The following MAP2K5 variants were observed in gnomAD, a reference collection of about 807,000 sequenced individuals.
MAP2K5 encodes mitogen-activated protein kinase kinase 5, also known as dual specificity mitogen-activated protein kinase kinase 5.
In MAP2K5, 49 loss-of-function variants were observed where a neutral mutation model predicts 83.1. That is an observed-to-expected ratio of 0.59 (90% CI 0.47 to 0.75). The LOEUF is 0.75. MAP2K5 is among the 30% of genes least tolerant of loss of function. The pLI, the probability that MAP2K5 is intolerant of heterozygous loss-of-function variation, is 0.00. For missense variants in MAP2K5, 457 were observed against 557.5 expected (o/e 0.82, Z 1.82); for synonymous variants, 202 against 191.8 (o/e 1.05, Z -0.44).
At chr15:67,695,428 T>C (rs1333355449) in intron 15 of MAP2K5, among the ~76,000 whole-genome samples, 1 of 152,220 alleles carries the variant, frequency 6.6e-6, no homozygotes, top group Non-Finnish European at 1.5e-5. Context: ...TACTTTCTTG[T>C]ATAATAATAG....
intron 7 of MAP2K5, among the ~76,000 whole-genome samples, chr15:67,597,085 C>A (rs936865478): frequency 6.0e-5 from 9 of 151,150 alleles, no homozygotes; most frequent in Non-Finnish European, 1.2e-4. Context: ...AGGAGAATGG[C>A]GTGAACCCGG....
chr15:67,686,274 AT>A (rs2087950677), intron 13 of MAP2K5, among the ~76,000 whole-genome samples: 1 of 152,132 alleles, frequency 6.6e-6, no homozygotes, highest in Non-Finnish European at 1.5e-5. Context: ...ATAATGACAG[AT>A]ATATCATCCA....
At chr15:67,663,211 G>A (rs1172507220) in intron 12 of MAP2K5, among the ~76,000 whole-genome samples, 2 of 151,986 alleles carry the variant, frequency 1.3e-5, no homozygotes, top group African/African-American at 2.4e-5. Flanking sequence ...AACTAGTATC[G>A]ATACAATACT....
rs1198135662 is a variant in MAP2K5 at position 67,785,549 on chromosome 15, A to T, written c.1242+12797A>T. ...AAAGTAGTCAGGTCACACAAACAGG[A>T]AGCCAAACAATCGGGGTCCATCTTG... On this transcript the variant is annotated intron_variant, in intron 21 of 21. Coordinates refer to ENST00000178640, the MANE Select transcript of MAP2K5 (RefSeq NM_145160.3). This position sits in a 1 kb window ranked among gnomAD's most constrained non-coding sequence, Gnocchi z 4.4. Among the ~76,000 whole-genome samples, 1 of 152,146 alleles carries T rather than the reference A, an allele frequency of 6.6e-6. No individual in the cohort carries two copies. The highest frequency in any genetic ancestry group is 1.5e-5 in the Non-Finnish European group (1 of 68,020).
At chr15:67,558,128 G>T (rs1223587173) in intron 2 of MAP2K5, among the ~76,000 whole-genome samples, 2 of 152,176 alleles carry the variant, frequency 1.3e-5, no homozygotes, top group Non-Finnish European at 2.9e-5. Flanking sequence ...TGAAAATTAA[G>T]AAGTTTGAGT....
chr15:67,605,434 A>G (rs2085758755), intron 8 of MAP2K5, among the ~76,000 whole-genome samples: 3 of 152,278 alleles, frequency 2.0e-5, no homozygotes, highest in Admixed American at 6.5e-5. Context: ...CCTTTATATT[A>G]TACACATTAT....
chr15:67,585,784 C>G (rs746572036), intron 4 of MAP2K5, 106 bp from the exon 5 acceptor site: 4 of 935,376 alleles, frequency 4.3e-6, no homozygotes, highest in South Asian at 1.4e-5. Context: ...AATCATTTCT[C>G]TCTGCTAATT....
Position 67,760,913 on chromosome 15 carries a change from A to C in MAP2K5, c.1135-8689A>C, listed in dbSNP as rs1014733037. ...TTACCCAGCAGCTTGGGCTGGGGGC[A>C]CTGCTCTGCTTCACTGCCGAGTTGC... On this transcript the variant is annotated intron_variant, in intron 19 of 21. Coordinates refer to ENST00000178640, the MANE Select transcript of MAP2K5 (RefSeq NM_145160.3). This position sits in a 1 kb window ranked among gnomAD's most constrained non-coding sequence, Gnocchi z 4.1. Among the ~76,000 whole-genome samples, 10 of 152,110 alleles carry C rather than the reference A, an allele frequency of 6.6e-5. No homozygotes were observed. The highest frequency in any genetic ancestry group is 1.2e-4 in the Non-Finnish European group (8 of 68,016).
At chr15:67,570,405 C>A (rs1348445405) in intron 3 of MAP2K5, among the ~76,000 whole-genome samples, 1 of 152,174 alleles carries the variant, frequency 6.6e-6, no homozygotes, top group Admixed American at 6.5e-5. Flanking sequence ...CATATGTGGA[C>A]CCTCGGTCAA....
rs1300970046 is a variant in MAP2K5 at position 67,650,938 on chromosome 15, G to A, written c.736+4469G>A. Reference sequence around the variant, plus strand: ...TTTTTTTAAAACATTTTAGGGGCTGGACAGGGTGGCTCACGCCTGTAATCC... The same window carrying A: ...TTTTTTTAAAACATTTTAGGGGCTGAACAGGGTGGCTCACGCCTGTAATCC... On this transcript the variant is annotated intron_variant, in intron 11 of 21. Coordinates refer to ENST00000178640, the MANE Select transcript of MAP2K5 (RefSeq NM_145160.3). Among the ~76,000 whole-genome samples the A allele has an allele frequency of 7.2e-5, 11 of 152,192 alleles. 1 individual carries two copies. The East Asian group carries it at 1.3e-3, about 19-fold the overall frequency.
chr15:67,743,966 C>T (rs1295422610), intron 17 of MAP2K5, among the ~76,000 whole-genome samples: 2 of 152,170 alleles, frequency 1.3e-5, no homozygotes, highest in East Asian at 3.8e-4. Flanking sequence ...CATGCGTTTT[C>T]CTCACAGTGG....
At chr15:67,624,910 C>G (rs1390327753) in intron 8 of MAP2K5, among the ~76,000 whole-genome samples, 1 of 152,124 alleles carries the variant, frequency 6.6e-6, no homozygotes, top group Non-Finnish European at 1.5e-5. Flanking sequence ...GGATTACAGG[C>G]ACGAGCCACT....
At chr15:67,767,077 G>C (rs2090054381) in intron 19 of MAP2K5, among the ~76,000 whole-genome samples, 2 of 152,070 alleles carry the variant, frequency 1.3e-5, no homozygotes, top group South Asian at 4.2e-4. Context: ...GACTTGGGCT[G>C]GCATTTTCAG....
chr15:67,773,935 G>A (rs4238410), intron 21 of MAP2K5, among the ~76,000 whole-genome samples: 149,015 of 152,310 alleles, frequency 0.98, 72,989 homozygotes, highest in East Asian at 1. Flanking sequence ...TAGCTCAGCT[G>A]TTAAAACAAA....
rs182746314 is a variant in MAP2K5 at position 67,713,502 on chromosome 15, G to A, written c.1044+10094G>A. ...TGTAATCCCAGCACTTTGGAAGGCC[G>A]AGGCGGGTTGATCACCTGAGGTCGG... On this transcript the variant is annotated intron_variant, in intron 16 of 21. Transcript: ENST00000178640. Among the ~76,000 whole-genome samples, 53 of 152,350 alleles carry A rather than the reference G, an allele frequency of 3.5e-4. 2 individuals carry two copies. The East Asian group carries it at 7.9e-3, about 23-fold the overall frequency.
At chr15:67,549,997 A>T (rs761498129) in intron 1 of MAP2K5, 37 bp from the exon 2 acceptor site, 1 of 1,539,716 alleles carries the variant, frequency 6.5e-7, no homozygotes, top group Non-Finnish European at 9.0e-7. Flanking sequence ...AATAAAGAAG[A>T]TGGCTAATTG....
At chr15:67,606,224 T>C (rs1347261055) in intron 8 of MAP2K5, among the ~76,000 whole-genome samples, 2 of 152,222 alleles carry the variant, frequency 1.3e-5, no homozygotes, top group Non-Finnish European at 2.9e-5. Context: ...CAGCAATCAC[T>C]GAAAGATTAT....
At chr15:67,744,048 G>A (rs113166660) in intron 17 of MAP2K5, among the ~76,000 whole-genome samples, 1,724 of 152,312 alleles carry the variant, frequency 0.011, 42 homozygotes, top group African/African-American at 0.039. Flanking sequence ...TCCCCTCTGA[G>A]CCTCAGCTTC....
chr15:67,697,009 T>C (rs556528252), intron 15 of MAP2K5, among the ~76,000 whole-genome samples: 1 of 152,084 alleles, frequency 6.6e-6, no homozygotes, highest in East Asian at 1.9e-4. Flanking sequence ...AAATGAGACT[T>C]ACAGTGTACA....
Sources: gnomAD v4.1 joint callset for allele counts (sites outside exome capture counted in the v4.1 genomes callset) on GRCh38, gnomAD v4.1.1 for gene constraint, Gnocchi (gnomAD v3.1) non-coding constraint, MANE v1.5 for transcripts, NCBI Gene and HGNC (gene_info 2026-07-23, HGNC 2026-07-21) for gene names.